MACF1: variants seen among roughly 807,000 people sequenced by gnomAD.
The protein encoded by MACF1 is microtubule-actin cross-linking factor 1.
A neutral mutation model predicts 854.8 loss-of-function variants in MACF1; 193 were observed. That is an observed-to-expected ratio of 0.23 (90% CI 0.20 to 0.25). The LOEUF is 0.25. Ranked by LOEUF, MACF1 falls within the 10% of genes least tolerant of loss-of-function variation. MACF1 has a pLI of 1.00. For synonymous variants in MACF1, 3,185 were observed against 3,226.7 expected, an observed-to-expected ratio of 0.99 and a Z score of 0.44; for missense variants, 7,722 against 8,929.1, an observed-to-expected ratio of 0.86 and a Z score of 5.45.
In MACF1 at chr1:39,452,367, G is replaced by C; in HGVS notation, c.20613+17G>C. ...TTAAAACAAGTAAGGGATATTTGCTGTCCCAACCCAAGGGATAGATCTGAG... is the reference window on the plus strand; with the variant it reads ...TTAAAACAAGTAAGGGATATTTGCTCTCCCAACCCAAGGGATAGATCTGAG... On this transcript the variant is annotated intron_variant, in intron 86 of 100. Transcript: ENST00000564288. 6.2e-7 allele frequency: 1 copy of C among 1,607,442 alleles called. No homozygotes were observed. Among genetic ancestry groups the C allele is most frequent in the Non-Finnish European group, 8.5e-7 (1 of 1,176,314 alleles).
At chr1:39,352,233 G>C (rs1647205356) in intron 43 of MACF1, among the ~76,000 whole-genome samples, 1 of 152,146 alleles carries the variant, frequency 6.6e-6, no homozygotes, top group South Asian at 2.1e-4. Flanking sequence ...AATACATGTA[G>C]AGCCAGTAAA....
intron 2 of MACF1, among the ~76,000 whole-genome samples, chr1:39,095,953 G>GAACCGGGAGGCAGAGGTCGT (rs1641927068): frequency 3.3e-5 from 5 of 152,044 alleles, no homozygotes; most frequent in African/African-American, 1.2e-4. Flanking sequence ...AGAATCACTT[G>GAACCGGGAGGCAGAGGTCGT]AGTCTGGGAT....
chr1:39,249,195 A>G (rs1227126119), intron 2 of MACF1, among the ~76,000 whole-genome samples: 1 of 152,170 alleles, frequency 6.6e-6, no homozygotes, highest in Non-Finnish European at 1.5e-5. Flanking sequence ...TAAACTTCAC[A>G]AGGTAATTGT....
Position 39,440,508 on chromosome 1 carries a change from T to G in MACF1, c.18448-495T>G, listed in dbSNP as rs147534647. Among the ~76,000 whole-genome samples the G allele has an allele frequency of 9.4e-3, 1,426 of 152,266 alleles. 6 individuals are homozygous for G. The highest frequency in any genetic ancestry group is 0.015 in the Non-Finnish European group (996 of 68,026). On this transcript the variant is annotated intron_variant, in intron 72 of 100. Coordinates refer to ENST00000564288, the MANE Select transcript of MACF1 (RefSeq NM_001394062.1). The stretch of plus-strand genomic sequence containing the variant: ...ATTTCTCTAATTTCTTACTTTTATT[T>G]CAGCTATTTTTTCATAGAGAAATTC...
At chr1:39,325,950 AT>A (rs920095218) in intron 35 of MACF1, among the ~76,000 whole-genome samples, 4 of 151,704 alleles carry the variant, frequency 2.6e-5, no homozygotes, top group Admixed American at 6.6e-5. Flanking sequence ...TGGTTGTGGA[AT>A]TTTTTTTTCT....
chr1:39,227,680 G>A (rs775410931), intron 1 of MACF1, among the ~76,000 whole-genome samples: 4 of 152,148 alleles, frequency 2.6e-5, no homozygotes, highest in Non-Finnish European at 4.4e-5. Context: ...GGTTCCTTAA[G>A]CTTGTCATGA....
chr1:39,233,808 T>TTTAA (rs755591226), intron 2 of MACF1, among the ~76,000 whole-genome samples: 1 of 65,856 alleles, frequency 1.5e-5, no homozygotes, highest in African/African-American at 4.3e-5. Context: ...ATTTATTTTT[T>TTTAA]ATTGATAATT....
intron 2 of MACF1, among the ~76,000 whole-genome samples, chr1:39,119,133 AC>A (rs1181404553): frequency 6.6e-6 from 1 of 152,126 alleles, no homozygotes; most frequent in South Asian, 2.1e-4. Flanking sequence ...AGCGGGACCA[AC>A]ATGGAGAAAC....
intron 99 of MACF1, among the ~76,000 whole-genome samples, chr1:39,484,065 A>C (rs1165343266): frequency 6.6e-6 from 1 of 152,236 alleles, no homozygotes; most frequent in African/African-American, 2.4e-5. Flanking sequence ...AGGCAGGAGA[A>C]TGGTGTGAAC....
intron 97 of MACF1, among the ~76,000 whole-genome samples, chr1:39,477,607 G>T (rs1386514001): frequency 6.6e-6 from 1 of 152,070 alleles, no homozygotes; most frequent in Non-Finnish European, 1.5e-5. Context: ...GGGGATGGAA[G>T]CGTGAGTGGT....
intron 2 of MACF1, among the ~76,000 whole-genome samples, chr1:39,190,370 TGTGTGTG>T (rs1644236337): frequency 1.0e-5 from 1 of 97,220 alleles, no homozygotes; most frequent in African/African-American, 3.7e-5. Flanking sequence ...TCTCTTCTTT[TGTGTGTG>T]TGTGTGTGTG....
At chr1:39,354,080 G>T (rs1647315846) in intron 44 of MACF1, among the ~76,000 whole-genome samples, 1 of 152,074 alleles carries the variant, frequency 6.6e-6, no homozygotes, top group Admixed American at 6.6e-5. Flanking sequence ...TCTCCTCTCA[G>T]CCCCTACCCA....
At chr1:39,312,774 G>A (rs984844435) in intron 26 of MACF1, among the ~76,000 whole-genome samples, 3 of 150,960 alleles carry the variant, frequency 2.0e-5, no homozygotes, top group Admixed American at 2.0e-4. Flanking sequence ...GCAGTGAGCC[G>A]AGATCACACC....
chr1:39,115,967 G>A (rs1162255266), intron 2 of MACF1, among the ~76,000 whole-genome samples: 6 of 152,320 alleles, frequency 3.9e-5, no homozygotes, highest in Admixed American at 1.3e-4. Flanking sequence ...TGGAGTTGTG[G>A]GAAGTGAATG....
At position 39,469,823 on chromosome 1, in the gene MACF1, A is replaced by T. The variant is rs556719081; in HGVS notation, c.21958+208A>T. Among the ~76,000 whole-genome samples the T allele has an allele frequency of 7.1e-4, 108 of 152,368 alleles. 1 individual carries two copies. The highest frequency in any genetic ancestry group is 3.4e-3 in the Middle Eastern group (1 of 292). Reference sequence around the variant, plus strand: ...TCCATGGAATTTGTTTTGAGTTTCTATTTAACAAATACTTATATAGTTTTA... The same window carrying T: ...TCCATGGAATTTGTTTTGAGTTTCTTTTTAACAAATACTTATATAGTTTTA... On this transcript the variant is annotated intron_variant, in intron 97 of 100. Coordinates refer to ENST00000564288, the MANE Select transcript of MACF1 (RefSeq NM_001394062.1).
intron 20 of MACF1, among the ~76,000 whole-genome samples, chr1:39,296,811 A>AAAGAAAGGAAGGAAGGAAGGAAGGAAGG (rs1491230575): frequency 2.4e-4 from 26 of 106,392 alleles, no homozygotes; most frequent in African/African-American, 1.3e-3. Context: ...GAAAAGAAAG[A>AAAGAAAGGAAGGAAGGAAGGAAGGAAGG]AAGGAAGGAA....
chr1:39,211,216 T>C (rs1170003825), intron 1 of MACF1, among the ~76,000 whole-genome samples: 1 of 152,030 alleles, frequency 6.6e-6, no homozygotes, highest in Non-Finnish European at 1.5e-5. Flanking sequence ...GATCCGTCCA[T>C]CTTGGCCTCT....
At chr1:39,120,097 TG>T (rs1183591556) in intron 2 of MACF1, among the ~76,000 whole-genome samples, 2 of 152,040 alleles carry the variant, frequency 1.3e-5, no homozygotes, top group Non-Finnish European at 2.9e-5. Flanking sequence ...TTGATGAGGC[TG>T]GTCTTGAACT....
At chr1:39,225,318 G>A (rs1644704022) in intron 1 of MACF1, among the ~76,000 whole-genome samples, 1 of 146,914 alleles carries the variant, frequency 6.8e-6, no homozygotes, top group African/African-American at 2.5e-5. Context: ...CCGGGTTCAC[G>A]CCATTCTCCT....
Sources: gnomAD v4.1 joint callset for allele counts (sites outside exome capture counted in the v4.1 genomes callset) on GRCh38, gnomAD v4.1.1 for gene constraint, MANE v1.5 for transcripts, NCBI Gene and HGNC (gene_info 2026-07-23, HGNC 2026-07-21) for gene names.